NEB: variants seen among roughly 807,000 people sequenced by gnomAD.
The protein encoded by NEB is nemaline myopathy type 2.
In NEB, 512 loss-of-function variants were observed where a neutral mutation model predicts 952.2. That is an observed-to-expected ratio of 0.54 (90% CI 0.50 to 0.58). NEB has a LOEUF of 0.58. NEB is among the 20% of genes least tolerant of loss of function. The pLI, the probability that NEB is intolerant of heterozygous loss-of-function variation, is 0.00. For missense variants in NEB, 8,428 were observed against 9,231.1 expected (o/e 0.91, Z 3.56); for synonymous variants, 2,900 against 3,149.8 (o/e 0.92, Z 2.66).
intron 9 of NEB, among the ~76,000 whole-genome samples, chr2:151,722,523 AGTT>A (rs2099777494): frequency 6.6e-6 from 1 of 152,030 alleles, no homozygotes; most frequent in Admixed American, 6.5e-5. Context: ...TGGTTTGTTT[AGTT>A]GTTGTTGGTG....
In NEB at chr2:151,546,521, T is replaced by C. The variant is rs1326961873; in HGVS notation, c.20368-78A>G. On this transcript the variant is annotated intron_variant, in intron 133 of 181. Coordinates refer to ENST00000397345, the MANE Select transcript of NEB (RefSeq NM_001164508.2). ...AACACAAAAGATGGAGTAGCAACAC[T>C]TCTTAATTACTGTGTCTTTCATTTT... is the stretch of plus-strand genomic sequence containing the variant. The C allele has an allele frequency of 6.0e-6, 5 of 835,442 alleles. No homozygotes were observed. The African/African-American group carries it at 8.5e-5, about 14-fold the overall frequency. 51.8% of individuals were successfully genotyped at this position (835,442 alleles called of 1,614,324 possible).
chr2:151,725,051 A>G, intron 6 of NEB, 90 bp from the exon 7 acceptor site: 1 of 966,138 alleles, frequency 1.0e-6, no homozygotes, highest in African/African-American at 1.6e-5. Flanking sequence ...GCATTACCCC[A>G]ATGACTCTAG....
Position 151,625,656 on chromosome 2 carries a change from G to A in NEB, c.10348-18C>T. ...TATAAGCGCTGTGAAGGATAAAAAG[G>A]TTAATGAATTAGAAAAACAGTTTGT... On this transcript the variant is annotated intron_variant, in intron 70 of 181. Transcript: ENST00000397345. 1.3e-6 allele frequency: 2 copies of A among 1,518,208 alleles called. No individual in the cohort carries two copies. Among genetic ancestry groups the A allele is most frequent in the East Asian group, 2.3e-5 (1 of 43,780 alleles). The allele number at this position is 1,518,208 out of a possible 1,614,324, so 94.0% of individuals were successfully genotyped here. A position where few individuals can be genotyped will look rare whatever the true frequency, so the allele number is the denominator to read the frequency against.
At chr2:151,696,611 T>A (rs770115863) in intron 17 of NEB, 26 bp downstream of exon 17, 1 of 1,528,978 alleles carries the variant, frequency 6.5e-7, no homozygotes, top group Non-Finnish European at 9.1e-7. Flanking sequence ...CATAATTGGG[T>A]GTCCTGAGTA....
chr2:151,511,620 A>G (rs1437881064), intron 161 of NEB, among the ~76,000 whole-genome samples: 1 of 152,210 alleles, frequency 6.6e-6, no homozygotes, highest in Non-Finnish European at 1.5e-5. Context: ...ATCAGAAGAC[A>G]AGCACAAATT....
chr2:151,656,542 T>C (rs981416474), intron 48 of NEB, 78 bp from the exon 49 acceptor site: 54 of 778,966 alleles, frequency 6.9e-5, no homozygotes, highest in Non-Finnish European at 9.4e-5. Flanking sequence ...TGCTATATTA[T>C]TTTTGTATAA....
At chr2:151,674,791 A>G (rs879218142) in intron 35 of NEB, among the ~76,000 whole-genome samples, 1 of 152,204 alleles carries the variant, frequency 6.6e-6, no homozygotes, top group Admixed American at 6.5e-5. Flanking sequence ...GTTTTGACAC[A>G]TATTGAAGAG....
Position 151,701,460 on chromosome 2 carries a change from C to G in NEB, c.1153-3812G>C, listed in dbSNP as rs1355047342. Among the ~76,000 whole-genome samples the G allele has an allele frequency of 9.4e-5, 14 of 149,040 alleles. No homozygotes were observed. The East Asian group carries it at 2.8e-3, about 29-fold the overall frequency. Reference sequence around the variant, plus strand: ...GAATGGTACCAGTTCCTCCTTGTACCTCTGATAGAATTCGGCTGTGAATCC... The same window carrying G: ...GAATGGTACCAGTTCCTCCTTGTACGTCTGATAGAATTCGGCTGTGAATCC... On this transcript the variant is annotated intron_variant, in intron 13 of 181. Transcript: ENST00000397345.
intron 39 of NEB, 83 bp downstream of exon 39, chr2:151,668,944 C>G: frequency 1.9e-6 from 2 of 1,061,194 alleles, no homozygotes; most frequent in Middle Eastern, 2.1e-4. Context: ...ATTGCGCCCC[C>G]TACAATTCTC....
rs117379193 is a variant in NEB at position 151,669,240 on chromosome 2, C to T, written c.4507-109G>A. ...GGCTATCATTTGTGTTTTCCATTTACGAGACAAATACCTACTCTGTCATAA... is the reference window on the plus strand; with the variant it reads ...GGCTATCATTTGTGTTTTCCATTTATGAGACAAATACCTACTCTGTCATAA... On this transcript the variant is annotated intron_variant, in intron 38 of 181. Transcript: ENST00000397345. 8.7e-3 allele frequency: 6,465 copies of T among 742,458 alleles called. 263 individuals are homozygous for T. The East Asian group carries it at 0.092, about 11-fold the overall frequency. The allele number at this position is 742,458 out of a possible 1,614,324, so 46.0% of individuals were successfully genotyped here.
At position 151,727,846 on chromosome 2, in the gene NEB, T is replaced by C. The variant is rs1348953506; in HGVS notation, c.139A>G (p.Thr47Ala). 5 of 1,612,152 alleles carry C rather than the reference T, an allele frequency of 3.1e-6. No homozygotes were observed. In the South Asian group the frequency reaches 3.3e-5, roughly 11 times the overall value. ...GGCTGTGCCAGAGCTGGTTTGGAAG[T>C]TTCTGATTGCTCATAGTCAGATGTC... ...TRTSDYEQSE[T>A]SKPALAQPAL... Residue 47 changes from threonine to alanine, a missense_variant, in exon 5 of 182, where the codon ACT becomes GCT. This residue lies in a region of NEB where 2,851 missense variants were observed against 2,791.5 expected (regional missense o/e 1.02). Coordinates refer to ENST00000397345, the MANE Select transcript of NEB (RefSeq NM_001164508.2).
In NEB at chr2:151,636,347, G is replaced by A. The variant is rs921698207; in HGVS notation, c.8995-13C>T. 7 of 1,579,302 alleles carry A rather than the reference G, an allele frequency of 4.4e-6. No homozygotes were observed. Among genetic ancestry groups the A allele is most frequent in the Non-Finnish European group, 5.2e-6 (6 of 1,164,940 alleles). ...GTTTGTACAGACTCTAAATTTGGGG[G>A]AAAAAAAATCAGATGCTGACATTTA... is the stretch of plus-strand genomic sequence containing the variant. On this transcript the variant is annotated splice_polypyrimidine_tract_variant and intron_variant, in intron 63 of 181. Coordinates refer to ENST00000397345, the MANE Select transcript of NEB (RefSeq NM_001164508.2).
In NEB at chr2:151,696,729, A is replaced by G; in HGVS notation, c.1477T>C (p.Tyr493His). The G allele has an allele frequency of 3.1e-6, 5 of 1,613,610 alleles. No homozygotes were observed. The highest frequency in any genetic ancestry group is 4.2e-6 in the Non-Finnish European group (5 of 1,179,588). ...TTTGTCTTATCTGGATGGACTTTGT[A>G]GGTGTGCTGTGGGGAAGCAAAGGCA... ...KKLDQCKDHT[Y>H]KVHPDKTKFT... The change falls in exon 17 of 182, where the codon TAC (tyrosine) becomes CAC (histidine). Residue 493 changes from tyrosine to histidine, a missense_variant. Transcript: ENST00000397345.
chr2:151,644,599 T>A (rs757001501), intron 55 of NEB, 24 bp from the exon 56 acceptor site: 16 of 1,560,782 alleles, frequency 1.0e-5, no homozygotes, highest in Non-Finnish European at 1.4e-5. Flanking sequence ...AAGATCATTT[T>A]GGGAAATACT....
Position 151,666,253 on chromosome 2 carries a change from G to C in NEB, c.4868C>G (p.Thr1623Ser), listed in dbSNP as rs775749613. 6.2e-7 allele frequency: 1 copy of C among 1,613,932 alleles called. No individual in the cohort carries two copies. The highest frequency in any genetic ancestry group is 1.7e-5 in the Admixed American group (1 of 60,024). Residue 1623 changes from threonine (T) to serine (S), a missense_variant, in exon 41 of 182, where the codon ACC becomes AGC. Physicochemically the swap from Thr to Ser is moderately conservative, Grantham distance 58 (BLOSUM62 1). Coordinates refer to ENST00000397345, the MANE Select transcript of NEB (RefSeq NM_001164508.2). ...CATATCCAGAGGTGTGTGGTACTTG[G>C]TCTTGCTGGCTTCATAGCCCTTTTT... ...EYKKGYEASKTKYHTPLDMVS... is the reference protein window; with the variant it reads ...EYKKGYEASKSKYHTPLDMVS...
chr2:151,688,329 A>G lies in NEB; in HGVS notation c.2378T>C (p.Phe793Ser), dbSNP rs1195135201. ...ATAGGCATTGACTCTGTGTTGGATA[A>G]ACTGTGGAGCATCTGCTGGTATATG... ...KCHIPADAPQ[F>S]IQHRVNAYNL... is the part of the protein sequence containing the mutation. The change falls in exon 25 of 182, where the codon TTT (phenylalanine) becomes TCT (serine). Residue 793 changes from phenylalanine to serine, a missense_variant. By Grantham distance (155) the Phe-to-Ser change is radical. This residue lies in a region of NEB where 2,851 missense variants were observed against 2,791.5 expected (regional missense o/e 1.02). Transcript: ENST00000397345. 2 of 1,613,888 alleles carry G rather than the reference A, an allele frequency of 1.2e-6. No individual in the cohort carries two copies. The highest frequency in any genetic ancestry group is 1.7e-6 in the Non-Finnish European group (2 of 1,179,830).
At position 151,568,077 on chromosome 2, in the gene NEB, C is replaced by T. The variant is rs376199241; in HGVS notation, c.17838G>A (p.Gln5946=). The T allele has an allele frequency of 4.4e-5, 71 of 1,613,000 alleles. No individual in the cohort carries two copies. In the African/African-American group the frequency reaches 6.4e-4, roughly 15 times the overall value. ...TCCCATCAGGATGTATTACCTCACT[C>T]TGAACGTCATTGCAGTGATGGGCAT... ...FVHAHHCNDV[Q]SELKYKAEHV... Residue 5946 remains glutamine, a synonymous_variant, in exon 113 of 182, where the codon CAG becomes CAA. Transcript: ENST00000397345.
At position 151,518,514 on chromosome 2, in the gene NEB, AT is replaced by A. The variant is rs2079561324; in HGVS notation, c.22696-93del. The A allele has an allele frequency of 1.3e-5, 10 of 779,046 alleles. No individual in the cohort carries two copies. The Admixed American group carries it at 2.3e-4, about 18-fold the overall frequency. 48.3% of individuals were successfully genotyped at this position (779,046 alleles called of 1,614,324 possible). On this transcript the variant is annotated intron_variant, in intron 155 of 181. Coordinates refer to ENST00000397345, the MANE Select transcript of NEB (RefSeq NM_001164508.2). ...TTAGATTAGACGTTTACACAGCACC[AT>A]TGTCAAGATCAAACTAAAAATGGCA... is the stretch of plus-strand genomic sequence containing the variant.
rs772944506 is a variant in NEB at position 151,525,263 on chromosome 2, T to C, written c.22172A>G (p.Lys7391Arg). 1.9e-6 allele frequency: 3 copies of C among 1,611,174 alleles called. No individual in the cohort carries two copies. Among genetic ancestry groups the C allele is most frequent in the Non-Finnish European group, 2.5e-6 (3 of 1,177,420 alleles). The change falls in exon 151 of 182, where the codon AAA becomes AGA. Residue 7391 changes from lysine to arginine, a missense_variant. By Grantham distance (26) the Lys-to-Arg change is conservative. Coordinates refer to ENST00000397345, the MANE Select transcript of NEB (RefSeq NM_001164508.2). Reference protein sequence around the residue: ...VTKHVSDTNYKKKFVKEKGKS... With the variant: ...VTKHVSDTNYRKKFVKEKGKS... ...TCCTTTCTCCTTGACAAACTTCTTT[T>C]TGTAATTTGTCTAAATAGAGCCAGA...
Sources: allele counts gnomAD v4.1 joint callset (sites outside exome capture counted in the v4.1 genomes callset), GRCh38; gene constraint gnomAD v4.1.1; regional missense constraint gnomAD v4.1.1; transcripts MANE v1.5; gene names NCBI Gene and HGNC (gene_info 2026-07-23, HGNC 2026-07-21).